Variants in CSMD1 observed in about 807,000 individuals in gnomAD.
CSMD1 encodes CUB and Sushi multiple domains 1.
Under a neutral mutation model 417.5 loss-of-function variants are expected in CSMD1, and 213 were observed. That is an observed-to-expected ratio of 0.51 (90% CI 0.46 to 0.57). The LOEUF is 0.57. Ranked by LOEUF, CSMD1 falls within the 20% of genes least tolerant of loss-of-function variation. The pLI is 0.00. For missense variants in CSMD1, 6,923 were observed against 4,529.7 expected, an observed-to-expected ratio of 1.53 and a Z score of -15.17; for synonymous variants, 2,862 against 1,736.8, an observed-to-expected ratio of 1.65 and a Z score of -16.11.
intron 10 of CSMD1, among the ~76,000 whole-genome samples, chr8:3,499,012 G>T (rs1392546404): frequency 6.6e-6 from 1 of 152,038 alleles, no homozygotes; most frequent in Non-Finnish European, 1.5e-5. Flanking sequence ...TTTGGGATAT[G>T]GAATTAGAAA....
intron 2 of CSMD1, among the ~76,000 whole-genome samples, chr8:4,463,021 G>A (rs555681235): frequency 6.6e-6 from 1 of 152,100 alleles, no homozygotes; most frequent in Admixed American, 6.6e-5. Flanking sequence ...CTATAGAATA[G>A]GGAAAGTTTG....
At chr8:4,244,970 A>C (rs1469494676) in intron 3 of CSMD1, among the ~76,000 whole-genome samples, 1 of 152,176 alleles carries the variant, frequency 6.6e-6, no homozygotes, top group Admixed American at 6.5e-5. Context: ...AAATAACCAA[A>C]AGCCTGGAGT....
At chr8:4,342,265 G>C (rs889644780) in intron 3 of CSMD1, among the ~76,000 whole-genome samples, 2 of 150,998 alleles carry the variant, frequency 1.3e-5, no homozygotes, top group Non-Finnish European at 2.9e-5. Context: ...GTATGTGTGT[G>C]TGTAGAGGGA....
chr8:3,011,535 A>G (rs914930150), intron 52 of CSMD1, among the ~76,000 whole-genome samples: 6 of 152,256 alleles, frequency 3.9e-5, no homozygotes, highest in Non-Finnish European at 7.3e-5. Context: ...TATTTTAGCC[A>G]CATAAATAAC....
intron 7 of CSMD1, among the ~76,000 whole-genome samples, chr8:3,661,066 A>T (rs1445781990): frequency 6.6e-6 from 1 of 152,138 alleles, no homozygotes; most frequent in Non-Finnish European, 1.5e-5. Flanking sequence ...ATGCTCAGAG[A>T]AGGAGAAAAC....
intron 1 of CSMD1, among the ~76,000 whole-genome samples, chr8:4,857,628 A>G (rs1302178841): frequency 6.6e-6 from 1 of 152,192 alleles, no homozygotes; most frequent in Non-Finnish European, 1.5e-5. Flanking sequence ...AGGGAATACT[A>G]CAAACACCTC....
chr8:3,503,827 C>T (rs1047590176), intron 10 of CSMD1, among the ~76,000 whole-genome samples: 5 of 149,094 alleles, frequency 3.4e-5, no homozygotes, highest in African/African-American at 5.0e-5. Context: ...CCCCCCATCC[C>T]CCCTTGCCCC....
intron 1 of CSMD1, among the ~76,000 whole-genome samples, chr8:4,986,985 T>C (rs1811211100): frequency 6.6e-6 from 1 of 152,182 alleles, no homozygotes; most frequent in African/African-American, 2.4e-5. Context: ...AGATAATGTT[T>C]ATATACAGAT....
At chr8:4,934,920 C>T (rs1238694775) in intron 1 of CSMD1, among the ~76,000 whole-genome samples, 4 of 152,110 alleles carry the variant, frequency 2.6e-5, no homozygotes, top group Non-Finnish European at 5.9e-5. Flanking sequence ...TATCAATCAG[C>T]AATCATCCAT....
chr8:4,471,541 G>GA (rs1387993987), intron 2 of CSMD1, among the ~76,000 whole-genome samples: 1 of 152,080 alleles, frequency 6.6e-6, no homozygotes, highest in Non-Finnish European at 1.5e-5. Context: ...TTAAGAATTA[G>GA]AACCAGTGCA....
intron 5 of CSMD1, among the ~76,000 whole-genome samples, chr8:3,967,066 C>T (rs1176144874): frequency 2.0e-5 from 3 of 152,170 alleles, no homozygotes; most frequent in African/African-American, 4.8e-5. Context: ...TGAAATCAGA[C>T]ATGAGCAAGC....
intron 3 of CSMD1, among the ~76,000 whole-genome samples, chr8:4,140,469 G>C (rs935953745): frequency 6.7e-6 from 1 of 150,192 alleles, no homozygotes; most frequent in Non-Finnish European, 1.5e-5. Flanking sequence ...TTGCACTCCA[G>C]TATAAGCAAC....
intron 3 of CSMD1, among the ~76,000 whole-genome samples, chr8:4,045,435 G>C (rs1798100952): frequency 6.6e-6 from 1 of 152,214 alleles, no homozygotes; most frequent in Non-Finnish European, 1.5e-5. Context: ...CAGTAGAAAT[G>C]ACTGCTGAGA....
chr8:4,401,564 G>A (rs1414178764), intron 3 of CSMD1, among the ~76,000 whole-genome samples: 1 of 152,076 alleles, frequency 6.6e-6, no homozygotes, highest in Non-Finnish European at 1.5e-5. Flanking sequence ...TTTGCTTTGA[G>A]CCTGTCTAGA....
At chr8:3,469,487 G>A (rs572689783) in intron 11 of CSMD1, among the ~76,000 whole-genome samples, 1 of 152,152 alleles carries the variant, frequency 6.6e-6, no homozygotes, top group Non-Finnish European at 1.5e-5. Context: ...AGCATTCATT[G>A]TGCATTAACA....
At chr8:3,242,196 T>C (rs1799581822) in intron 26 of CSMD1, among the ~76,000 whole-genome samples, 1 of 151,894 alleles carries the variant, frequency 6.6e-6, no homozygotes, top group Non-Finnish European at 1.5e-5. Context: ...AATGAAACAG[T>C]AAGCTGGACC....
intron 12 of CSMD1, among the ~76,000 whole-genome samples, chr8:3,443,595 G>A (rs185379380): frequency 2.0e-5 from 3 of 152,188 alleles, no homozygotes; most frequent in Non-Finnish European, 4.4e-5. Flanking sequence ...GGAAGCAGAA[G>A]TGAGACCTTC....
chr8:3,966,112 A>C (rs1812663637), intron 5 of CSMD1, among the ~76,000 whole-genome samples: 2 of 152,218 alleles, frequency 1.3e-5, no homozygotes. Context: ...TTCATAATTT[A>C]GGGAATAGGC....
chr8:3,380,336 C>T (rs1412951569), intron 18 of CSMD1, among the ~76,000 whole-genome samples: 1 of 152,154 alleles, frequency 6.6e-6, no homozygotes, highest in East Asian at 1.9e-4. Context: ...TGTGGTGATT[C>T]CTCAAGGATC....
Sources: gnomAD v4.1 joint callset for allele counts (sites outside exome capture counted in the v4.1 genomes callset) on GRCh38, gnomAD v4.1.1 for gene constraint, MANE v1.5 for transcripts, NCBI Gene and HGNC (gene_info 2026-07-23, HGNC 2026-07-21) for gene names.